Variants in CPED1 observed in about 807,000 individuals in gnomAD.
CPED1 encodes the protein cadherin like and PC-esterase domain containing 1.
A neutral mutation model predicts 128.2 loss-of-function variants in CPED1; 114 were observed. The ratio of observed to expected loss-of-function variants is 0.89; its 90% confidence interval spans 0.76 to 1.04. The LOEUF (loss-of-function observed/expected upper bound fraction) is 1.04. CPED1 is among the 50% of genes least tolerant of loss of function. CPED1 has a pLI of 0.00. For missense variants in CPED1, 1,211 were observed against 1,207.1 expected (o/e 1.00, Z -0.05); for synonymous variants, 462 against 426.7 (o/e 1.08, Z -1.02).
chr7:121,033,369 C>A (rs964323866), intron 3 of CPED1, among the ~76,000 whole-genome samples: 1 of 152,172 alleles, frequency 6.6e-6, no homozygotes, highest in East Asian at 1.9e-4. Context: ...ACATAGAAGT[C>A]ACATTTTGTT....
intron 16 of CPED1, among the ~76,000 whole-genome samples, chr7:121,224,273 G>A (rs1265161242): frequency 6.6e-6 from 1 of 152,170 alleles, no homozygotes; most frequent in Non-Finnish European, 1.5e-5. Context: ...GCGGTTTTGA[G>A]TGAGTTTCTT....
intron 7 of CPED1, among the ~76,000 whole-genome samples, chr7:121,121,412 C>A (rs886131859): frequency 1.3e-5 from 2 of 152,144 alleles, no homozygotes; most frequent in African/African-American, 4.8e-5. Context: ...CATTAGCTGA[C>A]TGGTTTTACG....
chr7:121,187,265 A>C (rs1797024258), intron 16 of CPED1, among the ~76,000 whole-genome samples: 1 of 152,210 alleles, frequency 6.6e-6, no homozygotes, highest in Non-Finnish European at 1.5e-5. Context: ...GTCAGAGGAC[A>C]TCTCACTGCG....
chr7:121,081,729 T>A (rs755595282), intron 5 of CPED1, among the ~76,000 whole-genome samples: 2 of 152,216 alleles, frequency 1.3e-5, no homozygotes, highest in African/African-American at 2.4e-5. Flanking sequence ...TCAACAAGCA[T>A]AATTAGTACT....
At chr7:121,241,347 CAAAAAAAAAAAAAAAAAAAAAAA>C (rs1030223751) in intron 17 of CPED1, among the ~76,000 whole-genome samples, 62 of 5,556 alleles carry the variant, frequency 0.011, 10 homozygotes, top group African/African-American at 0.016. Flanking sequence ...GACTCCGTCT[CAAAAAAAAAAAAAAAAAAAAAAA>C]AAAAAAAAAA....
At chr7:121,141,926 A>C (rs1321094671) in intron 15 of CPED1, 47 bp from the exon 16 acceptor site, 1 of 1,508,298 alleles carries the variant, frequency 6.6e-7, no homozygotes, top group South Asian at 1.2e-5. Flanking sequence ...GGGCTGAATA[A>C]ATCTCCCCTA....
At chr7:121,015,965 C>A in intron 3 of CPED1, 117 bp downstream of exon 3, 2 of 656,658 alleles carry the variant, frequency 3.0e-6, no homozygotes, top group Non-Finnish European at 4.5e-6. Context: ...TTATCCATGA[C>A]CAACTTTCTC....
intron 7 of CPED1, among the ~76,000 whole-genome samples, chr7:121,112,741 A>C (rs1238321855): frequency 8.5e-5 from 13 of 152,196 alleles, no homozygotes. Context: ...GGGGTGAAAA[A>C]ATAGACTCCA....
At chr7:121,265,461 C>T (rs1321839758) in intron 18 of CPED1, among the ~76,000 whole-genome samples, 1 of 152,032 alleles carries the variant, frequency 6.6e-6, no homozygotes, top group Admixed American at 6.6e-5. Flanking sequence ...GTGAGAGGAA[C>T]CTGTAGGATT....
Position 121,196,908 on chromosome 7 carries a change from A to G in CPED1, c.2056-39806A>G, listed in dbSNP as rs935055883. Among the ~76,000 whole-genome samples the G allele has an allele frequency of 6.0e-4, 92 of 152,144 alleles. 1 individual carries two copies. The highest frequency in any genetic ancestry group is 2.1e-3 in the African/African-American group (87 of 41,504). ...GGCACAAAGTCAATCTGGAAAGTTA[A>G]AAAACACCATTTGGTTGCCATTACT... On this transcript the variant is annotated intron_variant, in intron 16 of 22. Coordinates refer to ENST00000310396, the MANE Select transcript of CPED1 (RefSeq NM_024913.5).
chr7:121,049,105 A>G (rs1793284980), intron 4 of CPED1, among the ~76,000 whole-genome samples: 1 of 152,206 alleles, frequency 6.6e-6, no homozygotes, highest in South Asian at 2.1e-4. Context: ...TTTGCTTTGT[A>G]TTAGGCTTCC....
chr7:121,221,670 A>C (rs1227089094), intron 16 of CPED1, among the ~76,000 whole-genome samples: 1 of 151,204 alleles, frequency 6.6e-6, no homozygotes, highest in Non-Finnish European at 1.5e-5. Context: ...TTGGCCTGAG[A>C]TGGTATCTCA....
intron 22 of CPED1, among the ~76,000 whole-genome samples, chr7:121,282,106 C>T (rs1341389370): frequency 6.6e-6 from 1 of 152,094 alleles, no homozygotes; most frequent in Non-Finnish European, 1.5e-5. Flanking sequence ...TTAGATATAC[C>T]TGTCTCTTTT....
chr7:121,155,839 C>A (rs182653451), intron 16 of CPED1, among the ~76,000 whole-genome samples: 1 of 152,084 alleles, frequency 6.6e-6, no homozygotes, highest in East Asian at 1.9e-4. Flanking sequence ...ACAACCAAAG[C>A]AAAATTAGAC....
intron 16 of CPED1, among the ~76,000 whole-genome samples, chr7:121,205,685 A>C (rs2116577533): frequency 6.6e-6 from 1 of 152,156 alleles, no homozygotes; most frequent in Middle Eastern, 3.4e-3. Context: ...AACTCTCAGC[A>C]GCACTCAGCT....
At chr7:121,244,929 A>G (rs1798490291) in intron 18 of CPED1, among the ~76,000 whole-genome samples, 1 of 152,204 alleles carries the variant, frequency 6.6e-6, no homozygotes, top group African/African-American at 2.4e-5. Flanking sequence ...CTTGCTAGGC[A>G]TGCTCTGACT....
intron 3 of CPED1, among the ~76,000 whole-genome samples, chr7:121,046,523 A>G (rs1793205071): frequency 6.6e-6 from 1 of 151,896 alleles, no homozygotes; most frequent in Non-Finnish European, 1.5e-5. Context: ...AGATTTTATT[A>G]TTTTTTCTCC....
intron 14 of CPED1, among the ~76,000 whole-genome samples, chr7:121,137,521 A>G (rs1056049349): frequency 2.0e-5 from 3 of 152,074 alleles, no homozygotes; most frequent in Non-Finnish European, 4.4e-5. Flanking sequence ...TCTAATTTTC[A>G]TCTAAAATGC....
At chr7:121,199,243 A>C (rs1797333824) in intron 16 of CPED1, among the ~76,000 whole-genome samples, 1 of 152,132 alleles carries the variant, frequency 6.6e-6, no homozygotes, top group Non-Finnish European at 1.5e-5. Context: ...GACAGTCCAC[A>C]CATGGGGTAT....
Sources: allele counts gnomAD v4.1 joint callset (sites outside exome capture counted in the v4.1 genomes callset), GRCh38; gene constraint gnomAD v4.1.1; transcripts MANE v1.5; gene names NCBI Gene and HGNC (gene_info 2026-07-23, HGNC 2026-07-21).